Variants in NKAIN2 observed in about 807,000 individuals in gnomAD.
NKAIN2 encodes the protein sodium/potassium-transporting ATPase subunit beta-1-interacting protein 2.
In NKAIN2, 14 loss-of-function variants were observed where a neutral mutation model predicts 32.6. That is an observed-to-expected ratio of 0.43 (90% CI 0.28 to 0.67). The LOEUF is 0.67. NKAIN2 is among the 30% of genes least tolerant of loss of function. The pLI is 0.17. For missense variants in NKAIN2, 198 were observed against 258.3 expected (o/e 0.77, Z 1.60); for synonymous variants, 80 against 87.2 (o/e 0.92, Z 0.46).
At chr6:123,952,499 C>T (rs1391835292) in intron 1 of NKAIN2, among the ~76,000 whole-genome samples, 1 of 151,984 alleles carries the variant, frequency 6.6e-6, no homozygotes, top group Non-Finnish European at 1.5e-5. Context: ...TTTTCTTTGC[C>T]TTTGGTGAAA....
At position 124,239,017 on chromosome 6, in the gene NKAIN2, C is replaced by T. The variant is rs774828585; in HGVS notation, c.55-43988C>T. Reference sequence around the variant, plus strand: ...CATTGGTGTGCTGTATTAGGAGACCCATCTCACATGCAAAGACACACATAG... The same window carrying T: ...CATTGGTGTGCTGTATTAGGAGACCTATCTCACATGCAAAGACACACATAG... On this transcript the variant is annotated intron_variant, in intron 1 of 6. Coordinates refer to ENST00000368417, the MANE Select transcript of NKAIN2 (RefSeq NM_001040214.3). 1.1e-4 allele frequency among the ~76,000 whole-genome samples: 16 copies of T among 152,124 alleles called. No homozygotes were observed. The East Asian group carries it at 1.5e-3, about 15-fold the overall frequency.
chr6:124,609,584 G>A lies in NKAIN2; in HGVS notation c.274-48602G>A, dbSNP rs375918648. Among the ~76,000 whole-genome samples the A allele has an allele frequency of 2.2e-3, 333 of 152,062 alleles. 2 individuals are homozygous for A. Among genetic ancestry groups the A allele is most frequent in the Middle Eastern group, 6.8e-3 (2 of 294 alleles). Reference sequence around the variant, plus strand: ...GAAGATGATGAACATGTGTCTGATCGATGTGTCTCCCACTCTGTCCTCCAC... The same window carrying A: ...GAAGATGATGAACATGTGTCTGATCAATGTGTCTCCCACTCTGTCCTCCAC... On this transcript the variant is annotated intron_variant, in intron 3 of 6. Coordinates refer to ENST00000368417, the MANE Select transcript of NKAIN2 (RefSeq NM_001040214.3).
chr6:123,842,464 A>G (rs564256185), intron 1 of NKAIN2, among the ~76,000 whole-genome samples: 115 of 152,152 alleles, frequency 7.6e-4, no homozygotes, highest in Non-Finnish European at 1.2e-3. Flanking sequence ...TTTAACCTTT[A>G]TCATCTCCTC....
intron 1 of NKAIN2, among the ~76,000 whole-genome samples, chr6:124,025,706 A>G (rs76637059): frequency 0.024 from 3,630 of 152,302 alleles, 76 homozygotes; most frequent in Non-Finnish European, 0.035. Context: ...AATAGACGTA[A>G]GTGTGTGAGG....
intron 3 of NKAIN2, among the ~76,000 whole-genome samples, chr6:124,474,286 A>T (rs1777097099): frequency 6.6e-6 from 1 of 152,126 alleles, no homozygotes; most frequent in African/African-American, 2.4e-5. Context: ...TAAGTTTTTT[A>T]TCACAAAGAA....
intron 4 of NKAIN2, among the ~76,000 whole-genome samples, chr6:124,671,809 C>A (rs955059066): frequency 6.6e-6 from 1 of 151,872 alleles, no homozygotes; most frequent in Non-Finnish European, 1.5e-5. Context: ...TCTGGCCTCA[C>A]AAACCAAAAT....
intron 1 of NKAIN2, among the ~76,000 whole-genome samples, chr6:124,252,846 G>A (rs1206972135): frequency 6.6e-6 from 1 of 152,108 alleles, no homozygotes; most frequent in African/African-American, 2.4e-5. Context: ...TAATGATAAT[G>A]TCTAATTCAT....
intron 1 of NKAIN2, among the ~76,000 whole-genome samples, chr6:124,042,811 T>A (rs1781932169): frequency 6.6e-6 from 1 of 151,902 alleles, no homozygotes; most frequent in Non-Finnish European, 1.5e-5. Flanking sequence ...ACACCTAGAG[T>A]GTCCCAGTGA....
At position 124,091,902 on chromosome 6, in the gene NKAIN2, C is replaced by T. The variant is rs555955898; in HGVS notation, c.55-191103C>T. Among the ~76,000 whole-genome samples, 74 of 152,148 alleles carry T rather than the reference C, an allele frequency of 4.9e-4. 1 individual carries two copies. Among genetic ancestry groups the T allele is most frequent in the South Asian group, 1.0e-3 (5 of 4,830 alleles). ...GATCTTCACTTATTCTTACCTGGGA[C>T]TTTCGGCTTCAGTCAACAATCTCAC... On this transcript the variant is annotated intron_variant, in intron 1 of 6. Coordinates refer to ENST00000368417, the MANE Select transcript of NKAIN2 (RefSeq NM_001040214.3).
intron 1 of NKAIN2, among the ~76,000 whole-genome samples, chr6:123,841,242 T>A (rs1774856612): frequency 6.6e-6 from 1 of 152,208 alleles, no homozygotes; most frequent in African/African-American, 2.4e-5. Flanking sequence ...GCTCTCTCAT[T>A]GGAACCAATT....
chr6:124,272,809 C>T (rs1217524141), intron 1 of NKAIN2, among the ~76,000 whole-genome samples: 2 of 152,208 alleles, frequency 1.3e-5, no homozygotes, highest in Non-Finnish European at 2.9e-5. Context: ...TGGGAGCCCA[C>T]CCCTCGCCCT....
At chr6:123,923,680 C>T (rs926879743) in intron 1 of NKAIN2, among the ~76,000 whole-genome samples, 10 of 150,392 alleles carry the variant, frequency 6.6e-5, no homozygotes, top group African/African-American at 2.5e-4. Flanking sequence ...TCTCAGTAAA[C>T]TATCGCAAGA....
chr6:124,499,806 A>G (rs1227924061), intron 3 of NKAIN2, among the ~76,000 whole-genome samples: 1 of 152,192 alleles, frequency 6.6e-6, no homozygotes, highest in Admixed American at 6.5e-5. Flanking sequence ...TTTATTTTAA[A>G]AATACTCTGC....
At chr6:123,805,398 T>C (rs957661644) in intron 1 of NKAIN2, among the ~76,000 whole-genome samples, 14 of 152,216 alleles carry the variant, frequency 9.2e-5, no homozygotes, top group Non-Finnish European at 4.4e-5. Flanking sequence ...CCCATGAGTG[T>C]TAGTTATTGC....
intron 2 of NKAIN2, among the ~76,000 whole-genome samples, chr6:124,321,662 C>A (rs1310099617): frequency 6.6e-6 from 1 of 151,976 alleles, no homozygotes; most frequent in Non-Finnish European, 1.5e-5. Context: ...CAGGATATAC[C>A]ATGTCATATT....
intron 4 of NKAIN2, among the ~76,000 whole-genome samples, chr6:124,662,473 T>C (rs1034821201): frequency 1.3e-5 from 2 of 152,222 alleles, no homozygotes; most frequent in African/African-American, 4.8e-5. Context: ...CCTTCGGTTA[T>C]ATCTATTCCC....
At chr6:124,399,528 C>T (rs948661273) in intron 3 of NKAIN2, among the ~76,000 whole-genome samples, 5 of 152,170 alleles carry the variant, frequency 3.3e-5, no homozygotes, top group Non-Finnish European at 5.9e-5. Flanking sequence ...TGGGTGAAAA[C>T]TCCCATGTGG....
intron 1 of NKAIN2, among the ~76,000 whole-genome samples, chr6:123,954,101 C>T (rs1288026702): frequency 6.6e-6 from 1 of 152,198 alleles, no homozygotes; most frequent in East Asian, 1.9e-4. Context: ...AGGCAGCAGC[C>T]AGCTGCAGCA....
chr6:124,678,123 G>A (rs7772356), intron 4 of NKAIN2, among the ~76,000 whole-genome samples: 2 of 151,774 alleles, frequency 1.3e-5, no homozygotes, highest in East Asian at 1.9e-4. Context: ...CTCTTTTTTC[G>A]TGCTACTTTC....
Sources: allele counts gnomAD v4.1 joint callset (sites outside exome capture counted in the v4.1 genomes callset), GRCh38; gene constraint gnomAD v4.1.1; transcripts MANE v1.5; gene names NCBI Gene and HGNC (gene_info 2026-07-23, HGNC 2026-07-21).